KCNQ1: variants seen among roughly 807,000 people sequenced by gnomAD.
The protein encoded by KCNQ1 is potassium voltage-gated channel subfamily Q member 1, also known as potassium voltage-gated channel subfamily KQT member 1.
KCNQ1 carries 49 observed loss-of-function variants against 72.4 expected under a neutral mutation model. The observed-to-expected ratio is 0.68, with a 90% confidence interval of 0.54 to 0.86. KCNQ1 has a LOEUF of 0.86. Ranked by LOEUF, KCNQ1 falls within the 40% of genes least tolerant of loss-of-function variation. The pLI is 0.00. For synonymous variants in KCNQ1, 450 were observed against 412.6 expected, an observed-to-expected ratio of 1.09 and a Z score of -1.10; for missense variants, 790 against 945.1, an observed-to-expected ratio of 0.84 and a Z score of 2.15.
intron 11 of KCNQ1, among the ~76,000 whole-genome samples, chr11:2,719,480 A>G (rs1564870467): frequency 1.3e-5 from 2 of 151,764 alleles, no homozygotes; most frequent in African/African-American, 4.8e-5. Context: ...CAGGCACTCA[A>G]AAACAAACAA....
chr11:2,548,430 G>T (rs923162975), intron 2 of KCNQ1, among the ~76,000 whole-genome samples: 2 of 152,228 alleles, frequency 1.3e-5, no homozygotes, highest in African/African-American at 2.4e-5. Context: ...TTATTTGAAA[G>T]ATTTCATAGC....
chr11:2,525,567 G>A (rs568060897), intron 1 of KCNQ1, among the ~76,000 whole-genome samples: 2 of 152,336 alleles, frequency 1.3e-5, no homozygotes, highest in South Asian at 2.1e-4. Context: ...TGCAGAGAGC[G>A]TCCCTGGCTG....
chr11:2,451,876 T>C lies in KCNQ1; in HGVS notation c.386+6392T>C, dbSNP rs937356413. On this transcript the variant is annotated intron_variant, in intron 1 of 15. Coordinates refer to ENST00000155840, the MANE Select transcript of KCNQ1 (RefSeq NM_000218.3). This position sits in a 1 kb window ranked among gnomAD's most constrained non-coding sequence, Gnocchi z 6.4. Reference sequence around the variant, plus strand: ...AGCCCTCAGGACACCCAGAAGCCCTTAGGATGCCCAGAAGCCCTTAGGATG... The same window carrying C: ...AGCCCTCAGGACACCCAGAAGCCCTCAGGATGCCCAGAAGCCCTTAGGATG... Among the ~76,000 whole-genome samples the C allele has an allele frequency of 1.3e-5, 2 of 152,094 alleles. No homozygotes were observed. Among genetic ancestry groups the C allele is most frequent in the African/African-American group, 2.4e-5 (1 of 41,410 alleles).
In KCNQ1 at chr11:2,626,709, T is replaced by C. The variant is rs976516183; in HGVS notation, c.1394-35252T>C. On this transcript the variant is annotated intron_variant, in intron 10 of 15. Coordinates refer to ENST00000155840, the MANE Select transcript of KCNQ1 (RefSeq NM_000218.3). This position sits in a 1 kb window ranked among gnomAD's most constrained non-coding sequence, Gnocchi z 4.0. ...ACACCTGGCCAATTATTTTATTTTT[T>C]GTAGAGATGAGGTCTCCCTGTGTTC... is the stretch of plus-strand genomic sequence containing the variant. 3 of 398,312 alleles carry C rather than the reference T, an allele frequency of 7.5e-6. No homozygotes were observed. Among genetic ancestry groups the C allele is most frequent in the Middle Eastern group, 6.2e-4 (1 of 1,610 alleles). The allele number at this position is 398,312 out of a possible 1,614,324, so 24.7% of individuals were successfully genotyped here. A position where few individuals can be genotyped will look rare whatever the true frequency, so the allele number is the denominator to read the frequency against.
At position 2,547,106 on chromosome 11, in the gene KCNQ1, G is replaced by A. The variant is rs1310078927; in HGVS notation, c.477+19088G>A. On this transcript the variant is annotated intron_variant, in intron 2 of 15. Coordinates refer to ENST00000155840, the MANE Select transcript of KCNQ1 (RefSeq NM_000218.3). The surrounding 1 kb of genome is among the most constrained non-coding windows in gnomAD (Gnocchi z 4.2). Reference sequence around the variant, plus strand: ...ATTTATTCATAGGACTGACATTCTTGGTCTCAACTCTGTCATTGTCTTTTA... The same window carrying A: ...ATTTATTCATAGGACTGACATTCTTAGTCTCAACTCTGTCATTGTCTTTTA... Among the ~76,000 whole-genome samples the A allele has an allele frequency of 6.6e-6, 1 of 152,106 alleles. No individual in the cohort carries two copies. The highest frequency in any genetic ancestry group is 2.1e-4 in the South Asian group (1 of 4,830).
In KCNQ1 at chr11:2,484,021, T is replaced by A. The variant is rs1227789795; in HGVS notation, c.386+38537T>A. On this transcript the variant is annotated intron_variant, in intron 1 of 15. Transcript: ENST00000155840. This position sits in a 1 kb window ranked among gnomAD's most constrained non-coding sequence, Gnocchi z 5.2. Reference sequence around the variant, plus strand: ...TTTATTTCCCACTTTCTTTCTATGTTTGTTAATTTGGATTCTTCTCCAGGA... The same window carrying A: ...TTTATTTCCCACTTTCTTTCTATGTATGTTAATTTGGATTCTTCTCCAGGA... Among the ~76,000 whole-genome samples, 7 of 152,176 alleles carry A rather than the reference T, an allele frequency of 4.6e-5. No individual in the cohort carries two copies. The highest frequency in any genetic ancestry group is 1.0e-4 in the Non-Finnish European group (7 of 68,028).
At position 2,676,704 on chromosome 11, in the gene KCNQ1, G is replaced by C. The variant is rs546405598; in HGVS notation, c.1514+14623G>C. ...GCACTAACTGGACTACAGCCTGGCA[G>C]GAGATAACCAAGTCATATGCATAGT... On this transcript the variant is annotated intron_variant, in intron 11 of 15. Coordinates refer to ENST00000155840, the MANE Select transcript of KCNQ1 (RefSeq NM_000218.3). This position sits in a 1 kb window ranked among gnomAD's most constrained non-coding sequence, Gnocchi z 4.2. 8.8e-5 allele frequency: 35 copies of C among 398,652 alleles called. 1 individual carries two copies. Among genetic ancestry groups the C allele is most frequent in the African/African-American group, 7.2e-4 (35 of 48,750 alleles). 24.7% of individuals were successfully genotyped at this position (398,652 alleles called of 1,614,324 possible).
intron 11 of KCNQ1, among the ~76,000 whole-genome samples, chr11:2,738,785 T>C (rs921491304): frequency 2.6e-5 from 4 of 152,146 alleles, no homozygotes; most frequent in Admixed American, 6.5e-5. Flanking sequence ...CCTGGGGGGA[T>C]TGTCCTTCTG....
chr11:2,735,552 C>G lies in KCNQ1; in HGVS notation c.1515-33292C>G, dbSNP rs868046423. Among the ~76,000 whole-genome samples, 1 of 152,202 alleles carries G rather than the reference C, an allele frequency of 6.6e-6. No homozygotes were observed. The highest frequency in any genetic ancestry group is 2.1e-4 in the South Asian group (1 of 4,832). ...GCATCCTAGGGCCTGGCCCACCACCCTCTCCCTCCTCACCATTTTCTGTTG... is the reference window on the plus strand; with the variant it reads ...GCATCCTAGGGCCTGGCCCACCACCGTCTCCCTCCTCACCATTTTCTGTTG... On this transcript the variant is annotated intron_variant, in intron 11 of 15. Coordinates refer to ENST00000155840, the MANE Select transcript of KCNQ1 (RefSeq NM_000218.3). This position sits in a 1 kb window ranked among gnomAD's most constrained non-coding sequence, Gnocchi z 7.7.
intron 15 of KCNQ1, among the ~76,000 whole-genome samples, chr11:2,794,119 C>T (rs561361340): frequency 7.0e-4 from 106 of 152,150 alleles, no homozygotes; most frequent in Middle Eastern, 3.4e-3. Flanking sequence ...GCTCCGGCTT[C>T]GTGGGAGGAG....
chr11:2,624,219 T>C lies in KCNQ1; in HGVS notation c.1393+35365T>C, dbSNP rs552567212. 9 of 398,614 alleles carry C rather than the reference T, an allele frequency of 2.3e-5. No individual in the cohort carries two copies. The highest frequency in any genetic ancestry group is 1.8e-4 in the African/African-American group (9 of 48,758). The allele number at this position is 398,614 out of a possible 1,614,324, so 24.7% of individuals were successfully genotyped here. ...CTTAGTTGCCATCTGTATATCTTCATTGGTGAGATGTCTGTTAAGGTCTTC... is the reference window on the plus strand; with the variant it reads ...CTTAGTTGCCATCTGTATATCTTCACTGGTGAGATGTCTGTTAAGGTCTTC... On this transcript the variant is annotated intron_variant, in intron 10 of 15. Transcript: ENST00000155840. This position sits in a 1 kb window ranked among gnomAD's most constrained non-coding sequence, Gnocchi z 4.9.
chr11:2,585,089 G>T (rs1008335142), intron 7 of KCNQ1, 123 bp from the exon 8 acceptor site: 2 of 856,274 alleles, frequency 2.3e-6, no homozygotes, highest in Admixed American at 3.5e-5. Flanking sequence ...TGGGACTTGG[G>T]GGGGCTTCCA....
chr11:2,508,719 C>T lies in KCNQ1; in HGVS notation c.387-19209C>T, dbSNP rs528390146. ...AAGATGGCAGTGACCACCTGGCTTC[C>T]TCTATAGAAACTCCCCGAATGGGAG... On this transcript the variant is annotated intron_variant, in intron 1 of 15. Transcript: ENST00000155840. This position sits in a 1 kb window ranked among gnomAD's most constrained non-coding sequence, Gnocchi z 6.2. Among the ~76,000 whole-genome samples the T allele has an allele frequency of 7.9e-4, 120 of 152,310 alleles. 1 individual carries two copies. Among genetic ancestry groups the T allele is most frequent in the Non-Finnish European group, 1.5e-3 (100 of 68,018 alleles).
chr11:2,620,211 A>ATTTTT lies in KCNQ1; in HGVS notation c.1393+31365_1393+31369dup, dbSNP rs1312458170. On this transcript the variant is annotated intron_variant, in intron 10 of 15. Transcript: ENST00000155840. This position sits in a 1 kb window ranked among gnomAD's most constrained non-coding sequence, Gnocchi z 4.5. ...TAAGTTCATTCATGTATATATATAT[A>ATTTTT]TTTTTTTTTTTTATTTTTTTTTTAG... 4 of 252,758 alleles carry ATTTTT rather than the reference A, an allele frequency of 1.6e-5. No homozygotes were observed. Among genetic ancestry groups the ATTTTT allele is most frequent in the African/African-American group, 1.1e-4 (4 of 37,830 alleles). 15.7% of individuals were successfully genotyped at this position (252,758 alleles called of 1,614,324 possible).
rs1288334100 is a variant in KCNQ1, at chr11:2,669,605, G to C, written c.1514+7524G>C. 1.8e-5 allele frequency: 7 copies of C among 398,536 alleles called. No individual in the cohort carries two copies. Among genetic ancestry groups the C allele is most frequent in the Non-Finnish European group, 3.1e-5 (7 of 226,092 alleles). The allele number at this position is 398,536 out of a possible 1,614,324, so 24.7% of individuals were successfully genotyped here. A position where few individuals can be genotyped will look rare whatever the true frequency, so the allele number is the denominator to read the frequency against. ...ATCCTGCCCACAGGACACTGGGGCA[G>C]TCACCTAATCTCTATCAGCCTCAGT... On this transcript the variant is annotated intron_variant, in intron 11 of 15. Transcript: ENST00000155840. This position sits in a 1 kb window ranked among gnomAD's most constrained non-coding sequence, Gnocchi z 5.6.
Position 2,658,633 on chromosome 11 carries a change from C to T in KCNQ1, c.1394-3328C>T, listed in dbSNP as rs1590012088. 5 of 398,428 alleles carry T rather than the reference C, an allele frequency of 1.3e-5. No homozygotes were observed. The highest frequency in any genetic ancestry group is 8.8e-6 in the Non-Finnish European group (2 of 226,032). 24.7% of individuals were successfully genotyped at this position (398,428 alleles called of 1,614,324 possible). ...CCTGGATCTAGGCACGGGGTATGCT[C>T]GTGGCTACTAGGGTATCATTGCTTC... On this transcript the variant is annotated intron_variant, in intron 10 of 15. Transcript: ENST00000155840. This position sits in a 1 kb window ranked among gnomAD's most constrained non-coding sequence, Gnocchi z 4.9.
At position 2,674,054 on chromosome 11, in the gene KCNQ1, G is replaced by A; in HGVS notation, c.1514+11973G>A. On this transcript the variant is annotated intron_variant, in intron 11 of 15. Transcript: ENST00000155840. The surrounding 1 kb of genome is among the most constrained non-coding windows in gnomAD (Gnocchi z 5.9). ...GGGGTGCAGCCCCTCATTTGTACTT[G>A]CTGGCTGCCCCATGGGGGCTTGGGC... 1 of 398,576 alleles carries A rather than the reference G, an allele frequency of 2.5e-6. No homozygotes were observed. The highest frequency in any genetic ancestry group is 4.4e-6 in the Non-Finnish European group (1 of 226,062). The allele number at this position is 398,576 out of a possible 1,614,324, so 24.7% of individuals were successfully genotyped here.
rs1417602027 is a variant in KCNQ1 at position 2,673,054 on chromosome 11, C to G, written c.1514+10973C>G. The G allele has an allele frequency of 2.5e-6, 1 of 398,700 alleles. No homozygotes were observed. Among genetic ancestry groups the G allele is most frequent in the African/African-American group, 2.1e-5 (1 of 48,648 alleles). 24.7% of individuals were successfully genotyped at this position (398,700 alleles called of 1,614,324 possible). On this transcript the variant is annotated intron_variant, in intron 11 of 15. Transcript: ENST00000155840. This position sits in a 1 kb window ranked among gnomAD's most constrained non-coding sequence, Gnocchi z 4.5. Reference sequence around the variant, plus strand: ...AGGGTCTAGGGCTGGCCAAAAGGGACAGTGAAGTTGGCTTCTCAGGCCACA... The same window carrying G: ...AGGGTCTAGGGCTGGCCAAAAGGGAGAGTGAAGTTGGCTTCTCAGGCCACA...
chr11:2,845,723 C>G (rs1848312619), intron 15 of KCNQ1, among the ~76,000 whole-genome samples: 1 of 152,174 alleles, frequency 6.6e-6, no homozygotes, highest in African/African-American at 2.4e-5. Flanking sequence ...ACTGCAGCCC[C>G]CACCACCCAG....
Sources: allele counts gnomAD v4.1 joint callset (sites outside exome capture counted in the v4.1 genomes callset), GRCh38; gene constraint gnomAD v4.1.1; non-coding constraint Gnocchi (gnomAD v3.1); transcripts MANE v1.5; gene names NCBI Gene and HGNC (gene_info 2026-07-23, HGNC 2026-07-21).